SESTD1: variants seen among roughly 807,000 people sequenced by gnomAD.
The protein encoded by SESTD1 is SEC14 and spectrin domain containing 1, also known as SEC14 domain and spectrin repeat-containing protein 1.
A neutral mutation model predicts 101.7 loss-of-function variants in SESTD1; 43 were observed. The observed-to-expected ratio is 0.42, with a 90% CI of 0.33 to 0.55. The LOEUF (loss-of-function observed/expected upper bound fraction) is 0.55. Among genes scored for constraint, SESTD1 ranks in the 20% least tolerant of loss-of-function variants. SESTD1 has a pLI of 0.07. For synonymous variants in SESTD1, 283 were observed against 286.8 expected, an observed-to-expected ratio of 0.99 and a Z score of 0.13; for missense variants, 647 against 815.1, an observed-to-expected ratio of 0.79 and a Z score of 2.51.
At chr2:179,242,427 C>G (rs963633152) in intron 1 of SESTD1, among the ~76,000 whole-genome samples, 14 of 151,460 alleles carry the variant, frequency 9.2e-5, no homozygotes, top group Non-Finnish European at 2.9e-5. Flanking sequence ...TCCTATCAAA[C>G]AACCAATGTC....
intron 1 of SESTD1, among the ~76,000 whole-genome samples, chr2:179,222,595 T>A (rs1483045932): frequency 6.6e-6 from 1 of 152,218 alleles, no homozygotes; most frequent in African/African-American, 2.4e-5. Flanking sequence ...TCCAAGAATA[T>A]TCTTTCATCC....
chr2:179,204,250 T>C (rs113122679), intron 1 of SESTD1, among the ~76,000 whole-genome samples: 1 of 134,936 alleles, frequency 7.4e-6, no homozygotes, highest in Non-Finnish European at 1.6e-5. Flanking sequence ...ACTCCACGTC[T>C]TGAGCTGTGT....
intron 1 of SESTD1, among the ~76,000 whole-genome samples, chr2:179,234,337 C>T (rs2047030330): frequency 6.6e-6 from 1 of 152,164 alleles, no homozygotes; most frequent in Admixed American, 6.5e-5. Flanking sequence ...AATAAATAGA[C>T]ATCTCTCAGT....
intron 1 of SESTD1, among the ~76,000 whole-genome samples, chr2:179,230,596 A>G (rs183936399): frequency 1.3e-3 from 195 of 152,242 alleles, no homozygotes; most frequent in African/African-American, 3.8e-3. Context: ...AATAAAAGGC[A>G]CTGAGGAAAA....
chr2:179,128,872 G>A (rs1421229373), intron 10 of SESTD1, among the ~76,000 whole-genome samples: 1 of 151,956 alleles, frequency 6.6e-6, no homozygotes, highest in African/African-American at 2.4e-5. Flanking sequence ...TTATTTTATA[G>A]CAAAATAAAA....
At chr2:179,262,416 A>G (rs1232491997) in intron 1 of SESTD1, among the ~76,000 whole-genome samples, 1 of 152,182 alleles carries the variant, frequency 6.6e-6, no homozygotes, top group Admixed American at 6.5e-5. Flanking sequence ...CTTTTGAGAC[A>G]AAGTCTGGCT....
intron 6 of SESTD1, 69 bp from the exon 7 acceptor site, chr2:179,149,463 T>C: frequency 9.2e-7 from 1 of 1,082,562 alleles, no homozygotes; most frequent in Non-Finnish European, 1.3e-6. Flanking sequence ...GGATTGTCAG[T>C]TAAGAGTAAT....
intron 4 of SESTD1, among the ~76,000 whole-genome samples, chr2:179,173,316 T>A (rs569191742): frequency 8.5e-5 from 13 of 152,328 alleles, no homozygotes; most frequent in African/African-American, 3.1e-4. Context: ...ATAGCATTTA[T>A]CACCATGGGC....
chr2:179,258,254 T>C (rs927021930), intron 1 of SESTD1, among the ~76,000 whole-genome samples: 2 of 152,218 alleles, frequency 1.3e-5, no homozygotes, highest in African/African-American at 4.8e-5. Context: ...TAATTCCCAC[T>C]TCTACTACAA....
intron 1 of SESTD1, among the ~76,000 whole-genome samples, chr2:179,241,319 A>C (rs1273968639): frequency 6.6e-6 from 1 of 152,074 alleles, no homozygotes; most frequent in African/African-American, 2.4e-5. Flanking sequence ...AAGGGCTAAA[A>C]ACTTCCCCAA....
intron 1 of SESTD1, among the ~76,000 whole-genome samples, chr2:179,214,596 A>G (rs2046693595): frequency 7.4e-6 from 1 of 134,604 alleles, no homozygotes; most frequent in Admixed American, 7.2e-5. Context: ...GAAAGTTAAC[A>G]AGGATATCCA....
At chr2:179,194,172 C>T (rs560806055) in intron 1 of SESTD1, among the ~76,000 whole-genome samples, 51 of 152,320 alleles carry the variant, frequency 3.3e-4, no homozygotes, top group Non-Finnish European at 6.6e-4. Context: ...ACACCTACTC[C>T]ATCTGCTCCC....
Position 179,120,894 on chromosome 2 carries a change from G to A in SESTD1, c.1442+876C>T, listed in dbSNP as rs1422121520. Among the ~76,000 whole-genome samples, 4 of 152,284 alleles carry A rather than the reference G, an allele frequency of 2.6e-5. No individual in the cohort carries two copies. The East Asian group carries it at 5.8e-4, about 22-fold the overall frequency. ...TGTGTGATTATTATTTTTAAAACAG[G>A]AGAAATTTAAGCATTTAAGTGAGGG... On this transcript the variant is annotated intron_variant, in intron 13 of 17. Coordinates refer to ENST00000428443, the MANE Select transcript of SESTD1 (RefSeq NM_178123.5).
chr2:179,233,860 C>G (rs762504073), intron 1 of SESTD1, among the ~76,000 whole-genome samples: 1 of 151,948 alleles, frequency 6.6e-6, no homozygotes, highest in African/African-American at 2.4e-5. Context: ...GTATGCATGC[C>G]CTGGTGTGTG....
At chr2:179,166,856 A>G (rs1049229396) in intron 5 of SESTD1, among the ~76,000 whole-genome samples, 3 of 152,228 alleles carry the variant, frequency 2.0e-5, no homozygotes, top group African/African-American at 7.2e-5. Context: ...AACAAAATCC[A>G]AAGCCAACTC....
intron 16 of SESTD1, 120 bp downstream of exon 16, chr2:179,114,945 C>T (rs573416836): frequency 9.0e-5 from 76 of 842,664 alleles, no homozygotes; most frequent in African/African-American, 3.0e-4. Flanking sequence ...ACCGTAACAA[C>T]GGAACTAATA....
intron 9 of SESTD1, among the ~76,000 whole-genome samples, chr2:179,134,939 T>G (rs1338127294): frequency 6.6e-6 from 1 of 152,168 alleles, no homozygotes; most frequent in Non-Finnish European, 1.5e-5. Context: ...TTGGTTTTTT[T>G]GTTGTTGTTT....
chr2:179,195,989 C>A (rs2046385810), intron 1 of SESTD1, among the ~76,000 whole-genome samples: 2 of 152,026 alleles, frequency 1.3e-5, no homozygotes, highest in South Asian at 4.1e-4. Context: ...CGGTCTACAG[C>A]CCCCAGCATG....
chr2:179,138,870 C>CAAAAAA (rs61703699), intron 9 of SESTD1, among the ~76,000 whole-genome samples: 53 of 65,534 alleles, frequency 8.1e-4, no homozygotes, highest in African/African-American at 2.2e-3. Flanking sequence ...AACCCTGTCT[C>CAAAAAA]AAAAAAAAAA....
Sources: allele counts gnomAD v4.1 joint callset (sites outside exome capture counted in the v4.1 genomes callset), GRCh38; gene constraint gnomAD v4.1.1; transcripts MANE v1.5; gene names NCBI Gene and HGNC (gene_info 2026-07-23, HGNC 2026-07-21).